CALU: variants seen among roughly 807,000 people sequenced by gnomAD.
CALU encodes calumenin, also known as IEF SSP 9302.
Under a neutral mutation model 37.5 loss-of-function variants are expected in CALU, and 13 were observed. That is an observed-to-expected ratio of 0.35 (90% CI 0.23 to 0.55). The LOEUF (loss-of-function observed/expected upper bound fraction) is 0.55, where lower values mean the gene tolerates loss of function less well. Among genes scored for constraint, CALU ranks in the 20% least tolerant of loss-of-function variants. CALU has a pLI of 0.89. For missense variants in CALU, 282 were observed against 391.7 expected (o/e 0.72, Z 2.36); for synonymous variants, 114 against 133.8 (o/e 0.85, Z 1.02).
chr7:128,758,759 A>G (rs904192165), intron 3 of CALU, 112 bp from the exon 4 acceptor site: 1 of 766,386 alleles, frequency 1.3e-6, no homozygotes, highest in South Asian at 1.7e-5. Context: ...TGTGTCATCA[A>G]TTATTTCTTC....
intron 3 of CALU, among the ~76,000 whole-genome samples, chr7:128,754,967 T>G (rs1322234154): frequency 6.6e-6 from 1 of 152,100 alleles, no homozygotes; most frequent in Admixed American, 6.6e-5. Flanking sequence ...CCATTTTTTC[T>G]TTATGTCATC....
At position 128,772,502 on chromosome 7, in the gene CALU, T is replaced by A; in HGVS notation, c.*3335T>A. ...ATAGAAACTTACTTAAAAGTAAAAT[T>A]TAATTCTAGCTGTTGCAAACAGGCC... On this transcript the variant is annotated 3_prime_UTR_variant, in exon 7 of 7. Coordinates refer to ENST00000249364, the MANE Select transcript of CALU (RefSeq NM_001219.5). 1.2e-6 allele frequency: 2 copies of A among 1,613,646 alleles called. No homozygotes were observed. Among genetic ancestry groups the A allele is most frequent in the Non-Finnish European group, 1.7e-6 (2 of 1,179,584 alleles).
chr7:128,760,749 A>G (rs577482721), intron 5 of CALU, among the ~76,000 whole-genome samples: 17 of 152,336 alleles, frequency 1.1e-4, no homozygotes, highest in African/African-American at 3.6e-4. Flanking sequence ...TCTACTAAAA[A>G]TACAAAAAAT....
At chr7:128,759,100 T>G in intron 4 of CALU, 63 bp downstream of exon 4, 2 of 1,341,874 alleles carry the variant, frequency 1.5e-6, no homozygotes, top group Non-Finnish European at 2.1e-6. Context: ...TATTCTGTCT[T>G]TCCCCTTTAG....
intron 2 of CALU, among the ~76,000 whole-genome samples, chr7:128,749,856 A>C (rs1407356832): frequency 6.6e-6 from 1 of 152,146 alleles, no homozygotes; most frequent in Admixed American, 6.5e-5. Context: ...TTAGTTTTCT[A>C]TTAGGTTGCT....
At chr7:128,752,978 C>T (rs1800736439) in intron 2 of CALU, among the ~76,000 whole-genome samples, 1 of 152,234 alleles carries the variant, frequency 6.6e-6, no homozygotes, top group African/African-American at 2.4e-5. Flanking sequence ...GCGTGAGCCA[C>T]CGTACCAGGC....
chr7:128,743,553 G>C (rs1800318908), intron 1 of CALU, among the ~76,000 whole-genome samples: 1 of 147,884 alleles, frequency 6.8e-6, no homozygotes, highest in South Asian at 2.1e-4. Context: ...ACAGGGTCTT[G>C]TTCCCTCACC....
At chr7:128,754,185 C>CCTGGGCA in intron 2 of CALU, 77 bp from the exon 3 acceptor site, 1 of 1,127,018 alleles carries the variant, frequency 8.9e-7, no homozygotes, top group Non-Finnish European at 1.3e-6. Context: ...GTGCATTAGC[C>CCTGGGCA]CTGGGCACAC....
chr7:128,754,959 A>G (rs1800816073), intron 3 of CALU, among the ~76,000 whole-genome samples: 1 of 151,632 alleles, frequency 6.6e-6, no homozygotes, highest in Non-Finnish European at 1.5e-5. Flanking sequence ...ATATTTTACC[A>G]TTTTTTCTTT....
rs1801454054 is a variant in CALU, at chr7:128,769,049, A to G, written c.844-14A>G. The G allele has an allele frequency of 1.4e-6, 2 of 1,447,986 alleles. No homozygotes were observed. Among genetic ancestry groups the G allele is most frequent in the East Asian group, 2.3e-5 (1 of 44,182 alleles). The allele number at this position is 1,447,986 out of a possible 1,614,324, so 89.7% of individuals were successfully genotyped here. A position where few individuals can be genotyped will look rare whatever the true frequency, so the allele number is the denominator to read the frequency against. On this transcript the variant is annotated splice_polypyrimidine_tract_variant and intron_variant, in intron 6 of 6. Coordinates refer to ENST00000249364, the MANE Select transcript of CALU (RefSeq NM_001219.5). ...ATATGTTCTTCTTCAATTCATTGCT[A>G]TCTCTACTTTCAGGATGGCAAGCTT...
intron 1 of CALU, among the ~76,000 whole-genome samples, chr7:128,741,648 T>C (rs1174767877): frequency 1.3e-5 from 2 of 152,212 alleles, no homozygotes; most frequent in Non-Finnish European, 2.9e-5. Flanking sequence ...AATTTATTTA[T>C]AGACATCTGG....
chr7:128,749,154 C>T (rs1435141248), intron 2 of CALU, among the ~76,000 whole-genome samples: 1 of 152,212 alleles, frequency 6.6e-6, no homozygotes, highest in East Asian at 1.9e-4. Context: ...TAAAAACTAT[C>T]TGTGCCCTAC....
At position 128,772,062 on chromosome 7, in the gene CALU, TGTTTTTTTTTTTGTTTTG is replaced by T. The variant is rs536238594; in HGVS notation, c.*2896_*2913del. Reference sequence around the variant, plus strand: ...ATATTTGGGGCCACTGAGTTTTTTTTGTTTTTTTTTTTGTTTTGTTTTGTTTTTTCTTTATGTCTCTCC... The same window carrying T: ...ATATTTGGGGCCACTGAGTTTTTTTTTTTTGTTTTTTCTTTATGTCTCTCC... On this transcript the variant is annotated 3_prime_UTR_variant, in exon 7 of 7. Coordinates refer to ENST00000249364, the MANE Select transcript of CALU (RefSeq NM_001219.5). 8.4e-5 allele frequency among the ~76,000 whole-genome samples: 12 copies of T among 142,810 alleles called. No individual in the cohort carries two copies. Among genetic ancestry groups the T allele is most frequent in the Non-Finnish European group, 1.5e-4 (10 of 66,082 alleles). 93.7% of individuals were successfully genotyped at this position (142,810 alleles called of 152,430 possible).
intron 2 of CALU, 50 bp from the exon 3 acceptor site, chr7:128,754,212 A>C: frequency 1.4e-6 from 2 of 1,431,670 alleles, no homozygotes; most frequent in Non-Finnish European, 1.9e-6. Flanking sequence ...CTAAGTCCAG[A>C]GTTCTGTGTC....
chr7:128,769,357 C>T lies in CALU; in HGVS notation c.*190C>T. 1 of 493,852 alleles carries T rather than the reference C, an allele frequency of 2.0e-6. No individual in the cohort carries two copies. The highest frequency in any genetic ancestry group is 3.6e-6 in the Non-Finnish European group (1 of 275,816). 30.6% of individuals were successfully genotyped at this position (493,852 alleles called of 1,614,324 possible). The stretch of plus-strand genomic sequence containing the variant: ...GGAGGGAAGCCGTGCTTCTGAGGAA[C>T]AACTCTAATTAGTACACTTGTGTTT... On this transcript the variant is annotated 3_prime_UTR_variant, in exon 7 of 7. Transcript: ENST00000249364.
rs539691664 is a variant in CALU at position 128,771,482 on chromosome 7, G to A, written c.*2315G>A. ...TAAAACTGTTTACATTCATTATGGG[G>A]TATGTATGACCTTCATTTTCCAAGA... On this transcript the variant is annotated 3_prime_UTR_variant, in exon 7 of 7. Coordinates refer to ENST00000249364, the MANE Select transcript of CALU (RefSeq NM_001219.5). 9 of 152,690 alleles carry A rather than the reference G, an allele frequency of 5.9e-5. No individual in the cohort carries two copies. The highest frequency in any genetic ancestry group is 5.2e-4 in the Admixed American group (8 of 15,298). 9.5% of individuals were successfully genotyped at this position (152,690 alleles called of 1,614,324 possible).
At chr7:128,758,438 C>A (rs1429990039) in intron 3 of CALU, among the ~76,000 whole-genome samples, 4 of 152,158 alleles carry the variant, frequency 2.6e-5, no homozygotes, top group African/African-American at 9.7e-5. Flanking sequence ...TTAAACCTTA[C>A]AACAATCCTA....
At chr7:128,755,464 CTTA>C (rs571369120) in intron 3 of CALU, among the ~76,000 whole-genome samples, 67 of 152,122 alleles carry the variant, frequency 4.4e-4, no homozygotes, top group African/African-American at 1.6e-3. Flanking sequence ...GGTGAGAAGT[CTTA>C]ATAAAATAGT....
chr7:128,741,701 C>T (rs1037450873), intron 1 of CALU, among the ~76,000 whole-genome samples: 1 of 152,210 alleles, frequency 6.6e-6, no homozygotes, highest in African/African-American at 2.4e-5. Flanking sequence ...AAATTCTCAA[C>T]AGTGTCACGC....
Sources: allele counts gnomAD v4.1 joint callset (sites outside exome capture counted in the v4.1 genomes callset), GRCh38; gene constraint gnomAD v4.1.1; transcripts MANE v1.5; gene names NCBI Gene and HGNC (gene_info 2026-07-23, HGNC 2026-07-21).